The following CSMD1 variants were observed in gnomAD, a reference collection of about 807,000 sequenced individuals.
CSMD1 encodes CUB and sushi domain-containing protein 1.
Under a neutral mutation model 417.5 loss-of-function variants are expected in CSMD1, and 213 were observed. The observed-to-expected ratio is 0.51, with a 90% CI of 0.46 to 0.57. The LOEUF is 0.57. CSMD1 is among the 20% of genes least tolerant of loss of function. The pLI is 0.00. For missense variants in CSMD1, 6,923 were observed against 4,529.7 expected (o/e 1.53, Z -15.17); for synonymous variants, 2,862 against 1,736.8 (o/e 1.65, Z -16.11).
chr8:3,409,158 A>G (rs1024296889), intron 13 of CSMD1, among the ~76,000 whole-genome samples: 1 of 152,200 alleles, frequency 6.6e-6, no homozygotes, highest in Non-Finnish European at 1.5e-5. Flanking sequence ...AAACAACGAT[A>G]TATGTGATGA....
Position 3,348,001 on chromosome 8 carries a change from A to T in CSMD1, c.3465T>A (p.Asp1155Glu), listed in dbSNP as rs749133425. 1 of 1,591,068 alleles carries T rather than the reference A, an allele frequency of 6.3e-7. No individual in the cohort carries two copies. Among genetic ancestry groups the T allele is most frequent in the Admixed American group, 1.8e-5 (1 of 55,510 alleles). Residue 1155 changes from aspartate to glutamate, a missense_variant, in exon 22 of 70, where the codon GAT becomes GAA. Transcript: ENST00000635120. The part of the protein sequence containing the change: ...RTRSFQLFEG[D>E]TLKVYDGKDS... Reference sequence around the variant, plus strand: ...AGAAGATTCTTTTTACCTTTAGAGTATCTCCTTCAAACAGCTGGAAGCTTC... The same window carrying T: ...AGAAGATTCTTTTTACCTTTAGAGTTTCTCCTTCAAACAGCTGGAAGCTTC...
At chr8:3,905,420 G>C (rs1808047836) in intron 5 of CSMD1, among the ~76,000 whole-genome samples, 2 of 152,262 alleles carry the variant, frequency 1.3e-5, no homozygotes, top group South Asian at 4.2e-4. Flanking sequence ...AACCAGGCAG[G>C]TGGCGTCAAG....
At chr8:3,837,661 A>G (rs1426537231) in intron 5 of CSMD1, among the ~76,000 whole-genome samples, 1 of 152,190 alleles carries the variant, frequency 6.6e-6, no homozygotes, top group Non-Finnish European at 1.5e-5. Flanking sequence ...CCCATCCTAC[A>G]TAGGCACAGG....
intron 12 of CSMD1, among the ~76,000 whole-genome samples, chr8:3,429,131 A>G (rs1814046117): frequency 6.6e-6 from 1 of 152,150 alleles, no homozygotes; most frequent in African/African-American, 2.4e-5. Context: ...CAGAAGGGTG[A>G]TTACACTTAA....
At position 3,214,409 on chromosome 8, in the gene CSMD1, G is replaced by T. The variant is rs554725485; in HGVS notation, c.4867+88C>A. The T allele has an allele frequency of 1.7e-4, 183 of 1,099,276 alleles. 5 individuals carry two copies. The South Asian group carries it at 3.0e-3, about 18-fold the overall frequency. The allele number at this position is 1,099,276 out of a possible 1,614,324, so 68.1% of individuals were successfully genotyped here. On this transcript the variant is annotated intron_variant, in intron 30 of 69. Coordinates refer to ENST00000635120, the MANE Select transcript of CSMD1 (RefSeq NM_033225.6). ...TCCTCACCACCGATGAGAGGAATAC[G>T]TGTTGAAATGTGAAACCATTTCTTC...
intron 2 of CSMD1, among the ~76,000 whole-genome samples, chr8:4,585,343 G>C (rs1433131406): frequency 6.6e-6 from 1 of 152,068 alleles, no homozygotes; most frequent in Non-Finnish European, 1.5e-5. Flanking sequence ...GTTGAAAAGA[G>C]GATTAGAGAA....
At chr8:3,629,706 C>T (rs537495291) in intron 7 of CSMD1, among the ~76,000 whole-genome samples, 2 of 148,966 alleles carry the variant, frequency 1.3e-5, no homozygotes, top group Admixed American at 6.9e-5. Flanking sequence ...ACCACATGAT[C>T]GGCACAGAAA....
chr8:4,577,646 G>C (rs1350589950), intron 2 of CSMD1, among the ~76,000 whole-genome samples: 1 of 152,150 alleles, frequency 6.6e-6, no homozygotes, highest in East Asian at 1.9e-4. Context: ...CAACACTTCA[G>C]TTTCTCTATG....
chr8:3,816,224 C>T (rs1000841420), intron 5 of CSMD1, among the ~76,000 whole-genome samples: 16 of 152,148 alleles, frequency 1.1e-4, no homozygotes, highest in African/African-American at 2.9e-4. Context: ...CAGAAGGGCA[C>T]GTGTTATATT....
intron 36 of CSMD1, among the ~76,000 whole-genome samples, chr8:3,181,822 T>A (rs1045665147): frequency 1.3e-5 from 2 of 152,198 alleles, no homozygotes; most frequent in East Asian, 3.9e-4. Context: ...AACTAACCGA[T>A]TGGAAAGGGC....
At chr8:4,767,717 A>G (rs1812560107) in intron 1 of CSMD1, among the ~76,000 whole-genome samples, 1 of 152,116 alleles carries the variant, frequency 6.6e-6, no homozygotes, top group Admixed American at 6.6e-5. Flanking sequence ...TGGATGAAAC[A>G]CCACTTCTGT....
intron 7 of CSMD1, among the ~76,000 whole-genome samples, chr8:3,661,853 T>C (rs1412270096): frequency 2.0e-5 from 3 of 152,172 alleles, no homozygotes; most frequent in South Asian, 2.1e-4. Context: ...AGCCACCCTT[T>C]AGATCGGTGT....
chr8:4,883,410 GATC>G (rs765840359), intron 1 of CSMD1, among the ~76,000 whole-genome samples: 3 of 151,894 alleles, frequency 2.0e-5, no homozygotes, highest in Non-Finnish European at 4.4e-5. Context: ...TGAAATGCAA[GATC>G]ATCACCACTC....
At chr8:3,952,980 T>C (rs547949281) in intron 5 of CSMD1, among the ~76,000 whole-genome samples, 9 of 148,698 alleles carry the variant, frequency 6.1e-5, no homozygotes, top group Non-Finnish European at 1.2e-4. Flanking sequence ...ATACACTATT[T>C]AAAAATTAGA....
intron 3 of CSMD1, among the ~76,000 whole-genome samples, chr8:4,238,354 C>G (rs1374830306): frequency 6.6e-6 from 1 of 152,192 alleles, no homozygotes; most frequent in African/African-American, 2.4e-5. Flanking sequence ...CAGCTCCCAG[C>G]AAGGACTGGG....
In CSMD1 at chr8:4,676,384, T is replaced by C. The variant is rs1805682761; in HGVS notation, c.86-38826A>G. ...ACTGCCCTAATATTAGCTATGTCCT[T>C]GACTTTGACTTCCCCATCCACCCCT... On this transcript the variant is annotated intron_variant, in intron 1 of 69. Coordinates refer to ENST00000635120, the MANE Select transcript of CSMD1 (RefSeq NM_033225.6). Among the ~76,000 whole-genome samples the C allele has an allele frequency of 2.0e-5, 3 of 152,190 alleles. No homozygotes were observed. The South Asian group carries it at 6.2e-4, about 32-fold the overall frequency.
intron 1 of CSMD1, among the ~76,000 whole-genome samples, chr8:4,904,256 C>A (rs758558404): frequency 1.3e-5 from 2 of 152,138 alleles, no homozygotes; most frequent in Non-Finnish European, 2.9e-5. Context: ...CTCATTATTC[C>A]TTAACTGTGG....
At chr8:4,552,749 C>T (rs571220104) in intron 2 of CSMD1, among the ~76,000 whole-genome samples, 12 of 152,302 alleles carry the variant, frequency 7.9e-5, no homozygotes, top group African/African-American at 2.6e-4. Context: ...AGATAGGCAT[C>T]GTTTGAACAG....
intron 2 of CSMD1, among the ~76,000 whole-genome samples, chr8:4,511,317 C>A (rs1802807234): frequency 6.6e-6 from 1 of 152,198 alleles, no homozygotes. Flanking sequence ...CAACTGCCCT[C>A]ATAGACAGCA....
Sources: gnomAD v4.1 joint callset for allele counts (sites outside exome capture counted in the v4.1 genomes callset) on GRCh38, gnomAD v4.1.1 for gene constraint, MANE v1.5 for transcripts, NCBI Gene and HGNC (gene_info 2026-07-23, HGNC 2026-07-21) for gene names.